CCDC69: variants seen among roughly 807,000 people sequenced by gnomAD.
CCDC69 encodes coiled-coil domain-containing protein 69.
In CCDC69, 38 loss-of-function variants were observed where a neutral mutation model predicts 40.3. The ratio of observed to expected loss-of-function variants is 0.94; its 90% CI spans 0.73 to 1.24. The LOEUF (loss-of-function observed/expected upper bound fraction) is 1.24, where lower values mean the gene tolerates loss of function less well. Ranked by LOEUF, CCDC69 falls within the 50% of genes most tolerant of loss-of-function variation. The pLI, the probability that CCDC69 is intolerant of heterozygous loss-of-function variation, is 0.00. For missense variants in CCDC69, 389 were observed against 357.9 expected (o/e 1.09, Z -0.70); for synonymous variants, 141 against 138.9 (o/e 1.02, Z -0.11).
At chr5:151,184,642 T>G (rs1482810166) in intron 7 of CCDC69, 1 of 500,562 alleles carries the variant, frequency 2.0e-6, no homozygotes, top group Non-Finnish European at 3.6e-6. Flanking sequence ...CACAGGAGAA[T>G]GGTAAAAAAA....
At chr5:151,198,667 G>A (rs765910647) in intron 4 of CCDC69, among the ~76,000 whole-genome samples, 22 of 152,158 alleles carry the variant, frequency 1.4e-4, no homozygotes, top group Non-Finnish European at 2.9e-4. Context: ...TACCATCATC[G>A]TGGGGATGGA....
chr5:151,205,574 C>A (rs1195445682), intron 1 of CCDC69, 99 bp from the exon 2 acceptor site: 12 of 959,156 alleles, frequency 1.3e-5, no homozygotes, highest in South Asian at 1.1e-4. Flanking sequence ...CAAGGCAGGA[C>A]CTTCAGTTAC....
At chr5:151,206,983 T>C (rs1752861764) in intron 1 of CCDC69, among the ~76,000 whole-genome samples, 1 of 151,784 alleles carries the variant, frequency 6.6e-6, no homozygotes, top group Non-Finnish European at 1.5e-5. Flanking sequence ...TGGAGTGCAA[T>C]TGCGTGATTC....
At chr5:151,186,315 A>G (rs967432571) in intron 5 of CCDC69, among the ~76,000 whole-genome samples, 191 bp from the exon 6 acceptor site, 1 of 146,914 alleles carries the variant, frequency 6.8e-6, no homozygotes. Flanking sequence ...GCAGAATTGC[A>G]TGCTGGGAAG....
intron 4 of CCDC69, among the ~76,000 whole-genome samples, chr5:151,194,197 CTG>C (rs1420347353): frequency 6.6e-6 from 1 of 152,212 alleles, no homozygotes. Flanking sequence ...TATCCCACTC[CTG>C]TGTATTCACC....
chr5:151,198,270 G>A (rs1450551337), intron 4 of CCDC69, among the ~76,000 whole-genome samples: 1 of 151,778 alleles, frequency 6.6e-6, no homozygotes, highest in Admixed American at 6.6e-5. Flanking sequence ...CCCAGGGACT[G>A]GAGCTCTAGA....
At chr5:151,202,980 A>G (rs248458) in intron 2 of CCDC69, among the ~76,000 whole-genome samples, 85,955 of 151,944 alleles carry the variant, frequency 0.57, 27,641 homozygotes, top group Non-Finnish European at 0.71. Context: ...CAACATGTCC[A>G]GCACTGTTCC....
chr5:151,188,354 C>CA (rs1434886942), intron 4 of CCDC69, among the ~76,000 whole-genome samples: 1 of 152,144 alleles, frequency 6.6e-6, no homozygotes, highest in Non-Finnish European at 1.5e-5. Flanking sequence ...CCTATTATCC[C>CA]AGCACTTTGG....
At position 151,184,382 on chromosome 5, in the gene CCDC69, G is replaced by C. The variant is rs757833388; in HGVS notation, c.675C>G (p.Asp225Glu). The change falls in exon 8 of 9, where the codon GAC becomes GAG. Residue 225 changes from aspartate to glutamate, a missense_variant. Physicochemically the swap from Asp to Glu is conservative, Grantham distance 45 (BLOSUM62 2). Transcript: ENST00000355417. ...CCTGGTTGCGGCTTCGGACATGGAG[G>C]TCCTCATTTTCCTGTTGCAGGGTCG... is the stretch of plus-strand genomic sequence containing the variant. Reference protein sequence around the residue: ...KITTLQQENEDLHVRSRNQVV... With the variant: ...KITTLQQENEELHVRSRNQVV... 4.5e-5 allele frequency: 72 copies of C among 1,613,962 alleles called. No homozygotes were observed. Among genetic ancestry groups the C allele is most frequent in the Non-Finnish European group, 5.8e-5 (68 of 1,179,986 alleles).
intron 1 of CCDC69, among the ~76,000 whole-genome samples, chr5:151,215,865 G>C (rs921858492): frequency 3.3e-5 from 5 of 152,180 alleles, no homozygotes; most frequent in African/African-American, 1.2e-4. Context: ...AGGACTGGCT[G>C]GATATACTCA....
At chr5:151,214,213 C>A (rs1752999405) in intron 1 of CCDC69, among the ~76,000 whole-genome samples, 1 of 152,162 alleles carries the variant, frequency 6.6e-6, no homozygotes, top group Non-Finnish European at 1.5e-5. Context: ...AGGTCACACC[C>A]TCCTCAATAT....
intron 3 of CCDC69, 68 bp downstream of exon 3, chr5:151,201,514 C>G (rs1752775884): frequency 9.7e-7 from 1 of 1,030,126 alleles, no homozygotes; most frequent in Admixed American, 2.1e-5. Context: ...AAGGTAGGCA[C>G]TCACTCTGGG....
chr5:151,203,616 T>TTATATATTAGTAAATATATA (rs1203911132), intron 2 of CCDC69, among the ~76,000 whole-genome samples: 98 of 131,276 alleles, frequency 7.5e-4, no homozygotes, highest in African/African-American at 2.5e-3. Flanking sequence ...ATATATATAT[T>TTATATATTAGTAAATATATA]TAGTTATATA....
intron 1 of CCDC69, among the ~76,000 whole-genome samples, chr5:151,207,258 G>T (rs1752865847): frequency 6.6e-6 from 1 of 151,214 alleles, no homozygotes; most frequent in Admixed American, 6.6e-5. Context: ...GATATGGGCT[G>T]ATGAGGATGC....
intron 4 of CCDC69, among the ~76,000 whole-genome samples, chr5:151,188,246 T>C (rs1752554440): frequency 6.6e-6 from 1 of 151,906 alleles, no homozygotes; most frequent in South Asian, 2.1e-4. Flanking sequence ...GAATGGGAAA[T>C]AGAACAGAGG....
chr5:151,190,588 C>T (rs1002193553), intron 4 of CCDC69, among the ~76,000 whole-genome samples: 2 of 148,842 alleles, frequency 1.3e-5, no homozygotes, highest in South Asian at 2.2e-4. Flanking sequence ...ATCGCTTGAA[C>T]CCAGGAGGCA....
At chr5:151,188,354 C>T (rs1389078327) in intron 4 of CCDC69, among the ~76,000 whole-genome samples, 1 of 152,144 alleles carries the variant, frequency 6.6e-6, no homozygotes, top group Non-Finnish European at 1.5e-5. Flanking sequence ...CCTATTATCC[C>T]AGCACTTTGG....
In CCDC69 at chr5:151,213,499, G is replaced by T. The variant is rs113231200; in HGVS notation, c.49-8024C>A. Among the ~76,000 whole-genome samples the T allele has an allele frequency of 5.9e-5, 9 of 151,568 alleles. No homozygotes were observed. In the East Asian group the frequency reaches 1.6e-3, roughly 26 times the overall value. ...AATCTCCTGACCTAGTGATCCACCC[G>T]CCTCGGCCTCCCAAAGTGCTGGGAT... is the stretch of plus-strand genomic sequence containing the variant. On this transcript the variant is annotated intron_variant, in intron 1 of 8. Transcript: ENST00000355417.
intron 4 of CCDC69, among the ~76,000 whole-genome samples, chr5:151,191,179 G>A (rs1404453037): frequency 6.6e-6 from 1 of 151,736 alleles, no homozygotes; most frequent in Non-Finnish European, 1.5e-5. Flanking sequence ...TAGGTAATAA[G>A]TAAAAGGGTG....
Sources: allele counts gnomAD v4.1 joint callset (sites outside exome capture counted in the v4.1 genomes callset), GRCh38; gene constraint gnomAD v4.1.1; transcripts MANE v1.5; gene names NCBI Gene and HGNC (gene_info 2026-07-23, HGNC 2026-07-21).